The following DLG2 variants were observed in gnomAD, a reference collection of about 807,000 sequenced individuals.
The protein encoded by DLG2 is disks large homolog 2.
In DLG2, 45 loss-of-function variants were observed where a neutral mutation model predicts 132.5. The observed-to-expected ratio is 0.34, with a 90% CI of 0.27 to 0.44. The LOEUF (loss-of-function observed/expected upper bound fraction) is 0.44. Ranked by LOEUF, DLG2 falls within the 20% of genes least tolerant of loss-of-function variation. The probability of loss-of-function intolerance (pLI) is 1.00; values close to 1 mark genes in which losing one functional copy is unlikely to be tolerated. For missense variants in DLG2, 1,045 were observed against 1,196.9 expected, an observed-to-expected ratio of 0.87 and a Z score of 1.87; for synonymous variants, 424 against 419.6, an observed-to-expected ratio of 1.01 and a Z score of -0.13.
intron 3 of DLG2, among the ~76,000 whole-genome samples, chr11:85,317,072 G>C (rs904135030): frequency 6.6e-6 from 1 of 151,870 alleles, no homozygotes; most frequent in African/African-American, 2.4e-5. Flanking sequence ...GGTAAAAGGG[G>C]GCAGAAGTGG....
At chr11:83,935,070 G>A (rs1432187959) in intron 14 of DLG2, among the ~76,000 whole-genome samples, 1 of 152,158 alleles carries the variant, frequency 6.6e-6, no homozygotes, top group Non-Finnish European at 1.5e-5. Context: ...TCCTGCTATG[G>A]TTTTCTTGGG....
At chr11:84,084,367 A>T (rs1050655267) in intron 10 of DLG2, among the ~76,000 whole-genome samples, 10 of 152,130 alleles carry the variant, frequency 6.6e-5, no homozygotes, top group African/African-American at 2.4e-4. Flanking sequence ...ACCAAAATGT[A>T]ATGTGTTCCT....
In DLG2 at chr11:85,021,656, T is replaced by C. The variant is rs1211899147; in HGVS notation, c.357+90005A>G. The C allele has an allele frequency of 1.3e-5, 15 of 1,165,884 alleles. No homozygotes were observed. In the South Asian group the frequency reaches 1.8e-4, roughly 14 times the overall value. The allele number at this position is 1,165,884 out of a possible 1,614,324, so 72.2% of individuals were successfully genotyped here. On this transcript the variant is annotated intron_variant, in intron 6 of 27. Coordinates refer to ENST00000376104, the MANE Select transcript of DLG2 (RefSeq NM_001142699.3). ...TTGTTGGTAACGTTGCTAGCCATTG[T>C]GTTTGATGATAAGGTTTCTCACACA... is the stretch of plus-strand genomic sequence containing the variant.
intron 6 of DLG2, among the ~76,000 whole-genome samples, chr11:85,093,975 C>T (rs951552315): frequency 6.6e-6 from 1 of 152,206 alleles, no homozygotes; most frequent in Non-Finnish European, 1.5e-5. Context: ...AGTTCTGCCA[C>T]CATGATGCAA....
intron 7 of DLG2, among the ~76,000 whole-genome samples, chr11:84,335,810 T>A (rs1359007150): frequency 6.6e-6 from 1 of 152,154 alleles, no homozygotes; most frequent in Non-Finnish European, 1.5e-5. Flanking sequence ...TAGGTAATGA[T>A]TGTCATGAAC....
chr11:84,485,595 T>A (rs1346359184), intron 7 of DLG2, among the ~76,000 whole-genome samples: 1 of 152,170 alleles, frequency 6.6e-6, no homozygotes, highest in Non-Finnish European at 1.5e-5. Flanking sequence ...TCAAAGCAAT[T>A]GTGAATATAG....
At chr11:84,977,878 T>C (rs1315918155) in intron 6 of DLG2, among the ~76,000 whole-genome samples, 1 of 152,200 alleles carries the variant, frequency 6.6e-6, no homozygotes, top group Non-Finnish European at 1.5e-5. Flanking sequence ...TTTAATCTCA[T>C]CTTAAATTTC....
chr11:83,737,656 T>A (rs752097303), intron 18 of DLG2, among the ~76,000 whole-genome samples: 5 of 152,160 alleles, frequency 3.3e-5, no homozygotes, highest in Non-Finnish European at 7.4e-5. Flanking sequence ...AATGAATAAT[T>A]AAGAAACAAT....
intron 7 of DLG2, among the ~76,000 whole-genome samples, chr11:84,337,361 G>A (rs1015734868): frequency 6.6e-6 from 1 of 152,162 alleles, no homozygotes; most frequent in African/African-American, 2.4e-5. Context: ...TACTAGGATT[G>A]TTGTAATTAT....
At chr11:84,536,811 T>C (rs1010757615) in intron 6 of DLG2, among the ~76,000 whole-genome samples, 1 of 152,166 alleles carries the variant, frequency 6.6e-6, no homozygotes, top group Non-Finnish European at 1.5e-5. Flanking sequence ...TAAATAATAC[T>C]TGAGTCCACA....
At chr11:85,041,166 T>TAC (rs910385946) in intron 6 of DLG2, among the ~76,000 whole-genome samples, 2 of 151,870 alleles carry the variant, frequency 1.3e-5, no homozygotes, top group African/African-American at 4.8e-5. Flanking sequence ...AATATATCTT[T>TAC]ACGAAGAACT....
chr11:85,303,779 C>A (rs1242950860), intron 3 of DLG2, among the ~76,000 whole-genome samples: 1 of 152,180 alleles, frequency 6.6e-6, no homozygotes, highest in African/African-American at 2.4e-5. Context: ...TCTCTGACCC[C>A]AGTTCCCTCA....
At chr11:84,908,074 C>T (rs556333625) in intron 6 of DLG2, among the ~76,000 whole-genome samples, 1 of 152,052 alleles carries the variant, frequency 6.6e-6, no homozygotes, top group East Asian at 1.9e-4. Context: ...TCAAGGGCCT[C>T]TCCATCCATG....
intron 3 of DLG2, among the ~76,000 whole-genome samples, chr11:85,451,462 A>C (rs2092241511): frequency 6.6e-6 from 1 of 152,098 alleles, no homozygotes; most frequent in Non-Finnish European, 1.5e-5. Flanking sequence ...CTCTAAACCA[A>C]AAAAATTGTG....
chr11:85,416,379 GC>G lies in DLG2; in HGVS notation c.41-131015del, dbSNP rs573619198. On this transcript the variant is annotated intron_variant, in intron 3 of 27. Coordinates refer to ENST00000376104, the MANE Select transcript of DLG2 (RefSeq NM_001142699.3). ...ATAGTTTGAAGTCAGGTAGCATGAT[GC>G]CTCCAGCTTTGTTCTTTTTGCTTAG... Among the ~76,000 whole-genome samples the G allele has an allele frequency of 3.1e-3, 472 of 152,290 alleles. 2 individuals are homozygous for G. Among genetic ancestry groups the G allele is most frequent in the Non-Finnish European group, 5.2e-3 (355 of 68,020 alleles).
chr11:84,914,294 C>T (rs934590865), intron 6 of DLG2, among the ~76,000 whole-genome samples: 3 of 152,054 alleles, frequency 2.0e-5, no homozygotes, highest in Non-Finnish European at 4.4e-5. Flanking sequence ...AAGGCCAGAC[C>T]CTCCCATGGT....
At chr11:85,406,588 TA>T (rs563215503) in intron 3 of DLG2, among the ~76,000 whole-genome samples, 1 of 150,858 alleles carries the variant, frequency 6.6e-6, no homozygotes, top group African/African-American at 2.4e-5. Flanking sequence ...TGAGAGCTGG[TA>T]AAAAAAAATG....
At chr11:84,830,454 G>C (rs1371846392) in intron 6 of DLG2, among the ~76,000 whole-genome samples, 1 of 151,020 alleles carries the variant, frequency 6.6e-6, no homozygotes, top group East Asian at 2.0e-4. Flanking sequence ...GGTGAAGTGA[G>C]AAAGAGTGAA....
intron 21 of DLG2, among the ~76,000 whole-genome samples, chr11:83,528,087 G>C (rs2095652384): frequency 6.6e-6 from 1 of 152,154 alleles, no homozygotes; most frequent in Non-Finnish European, 1.5e-5. Flanking sequence ...GGGGCACTGA[G>C]ATGGGTCTTA....
Sources: allele counts gnomAD v4.1 joint callset (sites outside exome capture counted in the v4.1 genomes callset), GRCh38; gene constraint gnomAD v4.1.1; transcripts MANE v1.5; gene names NCBI Gene and HGNC (gene_info 2026-07-23, HGNC 2026-07-21).